Variants in MOXD1 observed in about 807,000 individuals in gnomAD.
MOXD1 encodes DBH-like monooxygenase protein 1.
A neutral mutation model predicts 66.6 loss-of-function variants in MOXD1; 62 were observed. That is an observed-to-expected ratio of 0.93 (90% CI 0.76 to 1.15). The LOEUF (loss-of-function observed/expected upper bound fraction) is 1.15. Ranked by LOEUF, MOXD1 falls within the 50% of genes most tolerant of loss-of-function variation. MOXD1 has a pLI of 0.00. For missense variants in MOXD1, 847 were observed against 754.6 expected (o/e 1.12, Z -1.44); for synonymous variants, 303 against 281.9 (o/e 1.07, Z -0.75).
At chr6:132,386,732 T>C (rs1776655386) in intron 1 of MOXD1, among the ~76,000 whole-genome samples, 1 of 151,474 alleles carries the variant, frequency 6.6e-6, no homozygotes, top group South Asian at 2.1e-4. Flanking sequence ...TTTTAAGAAA[T>C]GATCACACAG....
chr6:132,320,281 T>C (rs1295307695), intron 9 of MOXD1, among the ~76,000 whole-genome samples: 2 of 152,176 alleles, frequency 1.3e-5, no homozygotes, highest in Non-Finnish European at 2.9e-5. Context: ...TCATTCTTCA[T>C]TTGGAAGTCT....
chr6:132,332,335 T>C (rs1433751170), intron 4 of MOXD1, among the ~76,000 whole-genome samples: 3 of 151,766 alleles, frequency 2.0e-5, no homozygotes, highest in African/African-American at 7.3e-5. Flanking sequence ...ATAAAAAGGC[T>C]TGGAAGAAGC....
Position 132,324,086 on chromosome 6 carries a change from T to A in MOXD1, c.958A>T (p.Asn320Tyr), listed in dbSNP as rs2114575121. 1 of 1,612,962 alleles carries A rather than the reference T, an allele frequency of 6.2e-7. No homozygotes were observed. The highest frequency in any genetic ancestry group is 8.5e-7 in the Non-Finnish European group (1 of 1,179,446). ...NPTYEEGLIDNSGLRLFYTMD... is the reference protein window; with the variant it reads ...NPTYEEGLIDYSGLRLFYTMD... Reference sequence around the variant, plus strand: ...GTGTAAAATAACCTCAGTCCAGAATTATCTATTAAGCCTAGAACAAAAGCA... The same window carrying A: ...GTGTAAAATAACCTCAGTCCAGAATAATCTATTAAGCCTAGAACAAAAGCA... Residue 320 changes from asparagine to tyrosine, a missense_variant, in exon 7 of 12, where the codon AAT (asparagine) becomes TAT (tyrosine). Transcript: ENST00000367963.
rs1562289947 is a variant in MOXD1 at position 132,349,424 on chromosome 6, T to TATATATATACATATATATATATATACAC, written c.664-20831_664-20830insGTGTATATATATATATATGTATATATAT. 1.3e-4 allele frequency among the ~76,000 whole-genome samples: 3 copies of TATATATATACATATATATATATATACAC among 22,328 alleles called. 1 individual carries two copies. The highest frequency in any genetic ancestry group is 2.4e-4 in the Non-Finnish European group (3 of 12,694). 14.6% of individuals were successfully genotyped at this position (22,328 alleles called of 152,430 possible). A position where few individuals can be genotyped will look rare whatever the true frequency, so the allele number is the denominator to read the frequency against. ...ATATATACATATATATATATATACA[T>TATATATATACATATATATATATATACAC]ATATATATATACATATATATATATA... On this transcript the variant is annotated intron_variant, in intron 4 of 11. Transcript: ENST00000367963.
At chr6:132,382,386 G>A (rs1054136038) in intron 1 of MOXD1, among the ~76,000 whole-genome samples, 5 of 151,990 alleles carry the variant, frequency 3.3e-5, no homozygotes, top group Non-Finnish European at 7.4e-5. Context: ...TATACTTGAG[G>A]TAATGTTATT....
At chr6:132,344,313 G>A (rs1260514371) in intron 4 of MOXD1, among the ~76,000 whole-genome samples, 1 of 152,090 alleles carries the variant, frequency 6.6e-6, no homozygotes, top group African/African-American at 2.4e-5. Flanking sequence ...TACCACACAA[G>A]GTGATCATGA....
chr6:132,369,945 TACAA>T (rs1776230717), intron 4 of MOXD1, among the ~76,000 whole-genome samples: 2 of 152,104 alleles, frequency 1.3e-5, no homozygotes, highest in African/African-American at 4.8e-5. Context: ...AAACTGCAAA[TACAA>T]ACAAATTCTT....
chr6:132,299,150 T>C (rs1193305564), intron 10 of MOXD1, among the ~76,000 whole-genome samples: 1 of 152,162 alleles, frequency 6.6e-6, no homozygotes, highest in Non-Finnish European at 1.5e-5. Context: ...CTGGAGGCCA[T>C]CATCCTAAGT....
intron 10 of MOXD1, among the ~76,000 whole-genome samples, chr6:132,300,800 A>T (rs1037632967): frequency 1.3e-5 from 2 of 152,152 alleles, no homozygotes; most frequent in Non-Finnish European, 2.9e-5. Context: ...TGACCTGGGG[A>T]TGTGGTCATC....
chr6:132,310,831 C>A (rs549075453), intron 10 of MOXD1, among the ~76,000 whole-genome samples: 1 of 152,172 alleles, frequency 6.6e-6, no homozygotes, highest in South Asian at 2.1e-4. Flanking sequence ...GAGCAACACA[C>A]ACCAGGGCCT....
At chr6:132,359,732 C>T (rs1021584625) in intron 4 of MOXD1, among the ~76,000 whole-genome samples, 2 of 152,006 alleles carry the variant, frequency 1.3e-5, no homozygotes, top group South Asian at 2.1e-4. Flanking sequence ...ATAATCCGCC[C>T]GCCTCTGCCT....
chr6:132,394,894 A>G (rs1776839020), intron 1 of MOXD1, among the ~76,000 whole-genome samples: 1 of 152,158 alleles, frequency 6.6e-6, no homozygotes, highest in Non-Finnish European at 1.5e-5. Context: ...ATTTAACAAA[A>G]CAATAGATAA....
At chr6:132,327,339 TTCAC>T (rs1394235995) in intron 6 of MOXD1, among the ~76,000 whole-genome samples, 6 of 152,214 alleles carry the variant, frequency 3.9e-5, no homozygotes, top group Admixed American at 2.6e-4. Flanking sequence ...GCATCTGTTT[TTCAC>T]TCACTCTATA....
Position 132,397,649 on chromosome 6 carries a change from A to AGAAC in MOXD1, c.264+3513_264+3514insGTTC, listed in dbSNP as rs1379788018. The stretch of plus-strand genomic sequence containing the variant: ...GAGAGAGAGAGACAGAAAGAAAGAA[A>AGAAC]GAAAGAAAGAAAGAAAGAAAGAAAG... On this transcript the variant is annotated intron_variant, in intron 1 of 11. Coordinates refer to ENST00000367963, the MANE Select transcript of MOXD1 (RefSeq NM_015529.4). Among the ~76,000 whole-genome samples the AGAAC allele has an allele frequency of 3.0e-5, 3 of 99,834 alleles. No homozygotes were observed. The South Asian group carries it at 9.4e-4, about 31-fold the overall frequency. The allele number at this position is 99,834 out of a possible 152,430, so 65.5% of individuals were successfully genotyped here. A position where few individuals can be genotyped will look rare whatever the true frequency, so the allele number is the denominator to read the frequency against.
intron 1 of MOXD1, among the ~76,000 whole-genome samples, chr6:132,394,208 G>T (rs2114697266): frequency 6.6e-6 from 1 of 152,224 alleles, no homozygotes; most frequent in African/African-American, 2.4e-5. Context: ...CACTGACACT[G>T]TTTACAGCTG....
chr6:132,297,067 G>A lies in MOXD1; in HGVS notation c.*86C>T. ...GAAGAAAAGTCTCCACACTCTTCAT[G>A]CCCAAAGTGGACACAGTCTTTAACC... On this transcript the variant is annotated 3_prime_UTR_variant, in exon 12 of 12. Coordinates refer to ENST00000367963, the MANE Select transcript of MOXD1 (RefSeq NM_015529.4). The A allele has an allele frequency of 7.1e-7, 1 of 1,410,912 alleles. No homozygotes were observed. Among genetic ancestry groups the A allele is most frequent in the Non-Finnish European group, 9.7e-7 (1 of 1,031,854 alleles). 87.4% of individuals were successfully genotyped at this position (1,410,912 alleles called of 1,614,324 possible).
rs184824017 is a variant in MOXD1, at chr6:132,315,827, C to A, written c.1366-50G>T. 4 of 1,561,088 alleles carry A rather than the reference C, an allele frequency of 2.6e-6. No individual in the cohort carries two copies. The African/African-American group carries it at 5.4e-5, about 21-fold the overall frequency. On this transcript the variant is annotated intron_variant, in intron 9 of 11. Coordinates refer to ENST00000367963, the MANE Select transcript of MOXD1 (RefSeq NM_015529.4). ...AAAGTATGTGTTCTACCAACTTTGACATTTAAAGCACACAAGTCATTAATG... is the reference window on the plus strand; with the variant it reads ...AAAGTATGTGTTCTACCAACTTTGAAATTTAAAGCACACAAGTCATTAATG...
intron 4 of MOXD1, among the ~76,000 whole-genome samples, chr6:132,332,708 A>C (rs115648281): frequency 6.6e-6 from 1 of 152,216 alleles, no homozygotes; most frequent in African/African-American, 2.4e-5. Flanking sequence ...CCATGCTTAC[A>C]AAGCCTGATC....
At chr6:132,392,045 G>C in intron 1 of MOXD1, 1 of 781,658 alleles carries the variant, frequency 1.3e-6, no homozygotes, top group Non-Finnish European at 1.9e-6. Context: ...AGCACCAGCT[G>C]AGCTGTGTCA....
Sources: allele counts gnomAD v4.1 joint callset (sites outside exome capture counted in the v4.1 genomes callset), GRCh38; gene constraint gnomAD v4.1.1; transcripts MANE v1.5; gene names NCBI Gene and HGNC (gene_info 2026-07-23, HGNC 2026-07-21).